PHF2: variants seen among roughly 807,000 people sequenced by gnomAD.
The protein encoded by PHF2 is PHD finger protein 2, also known as lysine-specific demethylase PHF2.
In PHF2, 27 loss-of-function variants were observed where a neutral mutation model predicts 120.5. The observed-to-expected ratio is 0.22, with a 90% CI of 0.17 to 0.31. The LOEUF (loss-of-function observed/expected upper bound fraction) is 0.31, where lower values mean the gene tolerates loss of function less well. PHF2 is among the 10% of genes least tolerant of loss of function. The pLI is 1.00. For synonymous variants in PHF2, 568 were observed against 592.5 expected (o/e 0.96, Z 0.60); for missense variants, 1,024 against 1,434.8 (o/e 0.71, Z 4.63).
intron 15 of PHF2, 27 bp from the exon 16 acceptor site, chr9:93,665,963 C>T: frequency 6.2e-7 from 1 of 1,612,878 alleles, no homozygotes; most frequent in Non-Finnish European, 8.5e-7. Context: ...AGGCCTCCCG[C>T]TGGACTGCCA....
intron 1 of PHF2, among the ~76,000 whole-genome samples, chr9:93,628,219 T>C (rs1208395368): frequency 6.6e-6 from 1 of 152,230 alleles, no homozygotes; most frequent in Non-Finnish European, 1.5e-5. Context: ...AGTTTTCTTA[T>C]AGTGTCTCTG....
intron 1 of PHF2, among the ~76,000 whole-genome samples, chr9:93,581,983 A>G (rs1862939388): frequency 1.3e-5 from 2 of 152,146 alleles, no homozygotes; most frequent in South Asian, 4.1e-4. Flanking sequence ...TGGTTTTTTT[A>G]AATAACAGAT....
chr9:93,620,016 G>C (rs555545344), intron 1 of PHF2, among the ~76,000 whole-genome samples: 6 of 152,196 alleles, frequency 3.9e-5, no homozygotes, highest in Non-Finnish European at 8.8e-5. Flanking sequence ...AGGCGTCCCT[G>C]GGCTTCAGCT....
At chr9:93,585,457 G>A (rs968349552) in intron 1 of PHF2, among the ~76,000 whole-genome samples, 11 of 152,248 alleles carry the variant, frequency 7.2e-5, no homozygotes, top group African/African-American at 2.7e-4. Context: ...AGTGCCAGCC[G>A]CTCTGTGTGG....
At chr9:93,672,942 A>T (rs531005376) in intron 17 of PHF2, among the ~76,000 whole-genome samples, 1 of 151,358 alleles carries the variant, frequency 6.6e-6, no homozygotes, top group South Asian at 2.1e-4. Context: ...ACAGGTGTAG[A>T]TGCACGTATG....
At chr9:93,652,534 G>T (rs934046704) in intron 5 of PHF2, among the ~76,000 whole-genome samples, 19 of 151,860 alleles carry the variant, frequency 1.3e-4, no homozygotes, top group Admixed American at 9.8e-4. Context: ...TTCGTGGTCC[G>T]CCCACCTCGG....
chr9:93,654,327 G>A (rs1826420025), intron 6 of PHF2, 86 bp from the exon 7 acceptor site: 4 of 1,311,680 alleles, frequency 3.0e-6, no homozygotes, highest in East Asian at 2.3e-5. Context: ...CCTGGGCAGG[G>A]TACTTTTCAC....
intron 17 of PHF2, among the ~76,000 whole-genome samples, chr9:93,673,028 G>A (rs1348244221): frequency 6.6e-6 from 1 of 151,842 alleles, no homozygotes; most frequent in Non-Finnish European, 1.5e-5. Context: ...AGGTGGGGGT[G>A]TGGAGAGAAG....
At chr9:93,674,382 C>G (rs1225302526) in intron 18 of PHF2, among the ~76,000 whole-genome samples, 2 of 152,108 alleles carry the variant, frequency 1.3e-5, no homozygotes, top group African/African-American at 4.8e-5. Context: ...CAGAGCCCAC[C>G]CTCCATGGAC....
chr9:93,627,617 A>G (rs1392099850), intron 1 of PHF2, among the ~76,000 whole-genome samples: 23 of 151,952 alleles, frequency 1.5e-4, no homozygotes. Context: ...GTCTTTCACC[A>G]TTGTATACAA....
intron 3 of PHF2, among the ~76,000 whole-genome samples, chr9:93,644,176 C>T (rs150223589): frequency 0.029 from 4,378 of 152,216 alleles, 201 homozygotes; most frequent in African/African-American, 0.098. Flanking sequence ...CACCTGAGGT[C>T]AGGAGTTCGA....
intron 4 of PHF2, 48 bp from the exon 5 acceptor site, chr9:93,649,023 C>T (rs1374061881): frequency 6.5e-7 from 1 of 1,547,286 alleles, no homozygotes; most frequent in South Asian, 1.2e-5. Flanking sequence ...CTCAGGGAGG[C>T]TGTGCCGCCT....
intron 1 of PHF2, among the ~76,000 whole-genome samples, chr9:93,617,587 TG>T (rs1351725805): frequency 6.6e-6 from 1 of 152,240 alleles, no homozygotes; most frequent in African/African-American, 2.4e-5. Flanking sequence ...TTCTTTTTCT[TG>T]GCCGTTTCCT....
Position 93,649,186 on chromosome 9 carries a change from C to T in PHF2, c.576C>T (p.Val192=). The T allele has an allele frequency of 6.5e-7, 1 of 1,549,302 alleles. No homozygotes were observed. Among genetic ancestry groups the T allele is most frequent in the Non-Finnish European group, 8.7e-7 (1 of 1,145,748 alleles). ...CCAACCGCAAGCGGGTCCTCAACGT[C>T]ACCAACCTCGAGTTCTCTGACACCC... ...YSTNRKRVLN[V]TNLEFSDTRM... is the part of the protein sequence containing the mutation. The change falls in exon 5 of 22, where the codon GTC becomes GTT. Residue 192 remains valine, a synonymous_variant. Coordinates refer to ENST00000359246, the MANE Select transcript of PHF2 (RefSeq NM_005392.4).
rs764764493 is a variant in PHF2 at position 93,656,042 on chromosome 9, T to C, written c.1040+21T>C. On this transcript the variant is annotated intron_variant, in intron 8 of 21. Coordinates refer to ENST00000359246, the MANE Select transcript of PHF2 (RefSeq NM_005392.4). The surrounding 1 kb of genome is among the most constrained non-coding windows in gnomAD (Gnocchi z 4.1). Reference sequence around the variant, plus strand: ...ATGAGGTAGTGCCTGCCGCGCTGTCTGCCCTCGGGCTCCGCAGAGCAGCGT... The same window carrying C: ...ATGAGGTAGTGCCTGCCGCGCTGTCCGCCCTCGGGCTCCGCAGAGCAGCGT... The C allele has an allele frequency of 1.2e-6, 2 of 1,600,904 alleles. No individual in the cohort carries two copies. The highest frequency in any genetic ancestry group is 2.2e-5 in the South Asian group (2 of 89,398).
intron 1 of PHF2, among the ~76,000 whole-genome samples, chr9:93,587,678 A>G (rs1489889455): frequency 6.6e-6 from 1 of 152,058 alleles, no homozygotes; most frequent in Non-Finnish European, 1.5e-5. Context: ...CTTGCCAGGC[A>G]CTGCTTCTGC....
At chr9:93,647,680 A>C (rs1012820986) in intron 4 of PHF2, among the ~76,000 whole-genome samples, 4 of 152,154 alleles carry the variant, frequency 2.6e-5, no homozygotes, top group Non-Finnish European at 4.4e-5. Context: ...TCTTGAGGCC[A>C]GGAGTTCGAG....
chr9:93,576,896 TCGGCC>T lies in PHF2; in HGVS notation c.98+41_98+45del, dbSNP rs750115392. 1,460 of 1,092,664 alleles carry T rather than the reference TCGGCC, an allele frequency of 1.3e-3. 22 individuals are homozygous for T. The African/African-American group carries it at 0.021, about 16-fold the overall frequency. 67.7% of individuals were successfully genotyped at this position (1,092,664 alleles called of 1,614,324 possible). A position where few individuals can be genotyped will look rare whatever the true frequency, so the allele number is the denominator to read the frequency against. ...GGTGAGCGCGCGGCGGCTGCTCGGC[TCGGCC>T]CGGCCCGGCCCGGCCACCTTGCCCG... is the stretch of plus-strand genomic sequence containing the variant. On this transcript the variant is annotated intron_variant, in intron 1 of 21. Transcript: ENST00000359246.
At chr9:93,666,625 G>A (rs929121239) in intron 16 of PHF2, among the ~76,000 whole-genome samples, 10 of 152,206 alleles carry the variant, frequency 6.6e-5, no homozygotes, top group African/African-American at 9.7e-5. Flanking sequence ...GAAGGGCAGC[G>A]GCTCTTTAAA....
Sources: gnomAD v4.1 joint callset for allele counts (sites outside exome capture counted in the v4.1 genomes callset) on GRCh38, gnomAD v4.1.1 for gene constraint, Gnocchi (gnomAD v3.1) non-coding constraint, MANE v1.5 for transcripts, NCBI Gene and HGNC (gene_info 2026-07-23, HGNC 2026-07-21) for gene names.